The following TNXB variants were observed in gnomAD, a reference collection of about 807,000 sequenced individuals.
TNXB encodes tenascin XB.
TNXB carries 183 observed loss-of-function variants against 340.5 expected under a neutral mutation model. The observed-to-expected ratio is 0.54, with a 90% CI of 0.48 to 0.61. The LOEUF is 0.61. TNXB is among the 20% of genes least tolerant of loss of function. The pLI, the probability that TNXB is intolerant of heterozygous loss-of-function variation, is 0.00. For synonymous variants in TNXB, 2,121 were observed against 2,314.5 expected, an observed-to-expected ratio of 0.92 and a Z score of 2.40; for missense variants, 4,613 against 5,446.4, an observed-to-expected ratio of 0.85 and a Z score of 4.82.
chr6:32,099,898 G>A (rs934903621), intron 1 of TNXB, among the ~76,000 whole-genome samples: 3 of 145,804 alleles, frequency 2.1e-5, no homozygotes, highest in Non-Finnish European at 3.0e-5. Context: ...AGAGGAGAAA[G>A]GATGGTCTTT....
Position 32,107,266 on chromosome 6 carries a change from G to C in TNXB, c.-9+1915C>G, listed in dbSNP as rs911508632. Among the ~76,000 whole-genome samples the C allele has an allele frequency of 7.9e-5, 12 of 152,318 alleles. No individual in the cohort carries two copies. In the South Asian group the frequency reaches 1.0e-3, roughly 13 times the overall value. The stretch of plus-strand genomic sequence containing the variant: ...CCTCATCTTTCCCTGCACAGTGGGG[G>C]AAAGCAGAGAGGGTCTTTGCACCAG... On this transcript the variant is annotated intron_variant, in intron 1 of 43. Transcript: ENST00000644971.
chr6:32,070,542 A>C lies in TNXB; in HGVS notation c.4991-128T>G. On this transcript the variant is annotated intron_variant, in intron 13 of 43. Coordinates refer to ENST00000644971, the MANE Select transcript of TNXB (RefSeq NM_001365276.2). The surrounding 1 kb of genome is among the most constrained non-coding windows in gnomAD (Gnocchi z 6.0). ...CCCCAAAATATTTCCATCACCTCCC[A>C]TCCTCACCACCATCTCCGTCTGGTC... The C allele has an allele frequency of 9.7e-7, 1 of 1,028,598 alleles. No homozygotes were observed. Among genetic ancestry groups the C allele is most frequent in the Non-Finnish European group, 1.4e-6 (1 of 726,892 alleles). The allele number at this position is 1,028,598 out of a possible 1,614,324, so 63.7% of individuals were successfully genotyped here. A position where few individuals can be genotyped will look rare whatever the true frequency, so the allele number is the denominator to read the frequency against.
intron 4 of TNXB, among the ~76,000 whole-genome samples, chr6:32,092,907 G>C (rs1441630823): frequency 6.6e-6 from 1 of 152,184 alleles, no homozygotes; most frequent in African/African-American, 2.4e-5. Flanking sequence ...CCCATACCGA[G>C]AGCAGAATGG....
rs1779032057 is a variant in TNXB at position 32,075,482 on chromosome 6, T to C, written c.4376-1530A>G. Reference sequence around the variant, plus strand: ...CTCTTTCCCCAAAGGCCTAGGTGGCTGTCCTCTCACCTCCTTCAGGGCTTT... The same window carrying C: ...CTCTTTCCCCAAAGGCCTAGGTGGCCGTCCTCTCACCTCCTTCAGGGCTTT... On this transcript the variant is annotated intron_variant, in intron 11 of 43. Transcript: ENST00000644971. The surrounding 1 kb of genome is among the most constrained non-coding windows in gnomAD (Gnocchi z 4.6). 6.6e-6 allele frequency among the ~76,000 whole-genome samples: 1 copy of C among 152,254 alleles called. No homozygotes were observed. Among genetic ancestry groups the C allele is most frequent in the Non-Finnish European group, 1.5e-5 (1 of 68,050 alleles).
rs1289834669 is a variant in TNXB, at chr6:32,082,396, AGG to A, written c.3446-72_3446-71del. On this transcript the variant is annotated intron_variant, in intron 8 of 43. Transcript: ENST00000644971. The surrounding 1 kb of genome is among the most constrained non-coding windows in gnomAD (Gnocchi z 5.0). ...AGAATGGGGAAGCCAAATCCCACAT[AGG>A]AATGCTGTGTGAGGCTGTGCAGGTT... 4.1e-6 allele frequency: 6 copies of A among 1,453,384 alleles called. No individual in the cohort carries two copies. The African/African-American group carries it at 4.2e-5, about 10-fold the overall frequency. 90.0% of individuals were successfully genotyped at this position (1,453,384 alleles called of 1,614,324 possible). A position where few individuals can be genotyped will look rare whatever the true frequency, so the allele number is the denominator to read the frequency against.
At position 32,073,656 on chromosome 6, in the gene TNXB, T is replaced by C. The variant is rs747934395; in HGVS notation, c.4672A>G (p.Ile1558Val). The change falls in exon 12 of 44, where the codon ATC becomes GTC. Residue 1558 changes from isoleucine (I) to valine (V), a missense_variant. Around this residue, in one of 7 missense-constraint regions of TNXB, gnomAD observed 4,327 missense variants for 4,859.4 expected, o/e 0.89. Coordinates refer to ENST00000644971, the MANE Select transcript of TNXB (RefSeq NM_001365276.2). The surrounding 1 kb of genome is among the most constrained non-coding windows in gnomAD (Gnocchi z 4.6). ...TCCCCCCATTACTCACCCGTCACGA[T>C]GACCACAGACAGGGGGCCCATGCGT... ...GQRMGPLSVV[I>V]VTAPLPPAPA... is the part of the protein sequence containing the mutation. The C allele has an allele frequency of 1.2e-6, 2 of 1,606,598 alleles. No homozygotes were observed. Among genetic ancestry groups the C allele is most frequent in the Non-Finnish European group, 1.7e-6 (2 of 1,176,652 alleles).
intron 1 of TNXB, among the ~76,000 whole-genome samples, chr6:32,099,399 A>C (rs970028944): frequency 6.6e-6 from 1 of 151,968 alleles, no homozygotes; most frequent in South Asian, 2.1e-4. Flanking sequence ...TGCCCAGCTA[A>C]TTTTTGTATT....
In TNXB at chr6:32,072,298, G is replaced by C. The variant is rs1365818147; in HGVS notation, c.4682C>G (p.Ala1561Gly). Residue 1561 changes from alanine to glycine, a missense_variant and splice_region_variant, in exon 13 of 44, where the codon GCT becomes GGT. Physicochemically the swap from Ala to Gly is moderately conservative, Grantham distance 60. This residue lies in a region of TNXB where 4,327 missense variants were observed against 4,859.4 expected (regional missense o/e 0.89). Coordinates refer to ENST00000644971, the MANE Select transcript of TNXB (RefSeq NM_001365276.2). The surrounding 1 kb of genome is among the most constrained non-coding windows in gnomAD (Gnocchi z 4.4). ...MGPLSVVIVT[A>G]PLPPAPATEA... is the part of the protein sequence containing the mutation. ...TGTGGCTGGGGCTGGTGGGAGGGGA[G>C]CTGGGATTTGGGAAGACAAAGAACA... is the stretch of plus-strand genomic sequence containing the variant. 2 of 1,593,088 alleles carry C rather than the reference G, an allele frequency of 1.3e-6. No homozygotes were observed. Among genetic ancestry groups the C allele is most frequent in the Non-Finnish European group, 8.6e-7 (1 of 1,167,908 alleles).
Position 32,043,808 on chromosome 6 carries a change from G to A in TNXB, c.11471C>T (p.Thr3824Ile), listed in dbSNP as rs1433447554. Reference protein sequence around the residue: ...GLIPGARYEVTVVSVRGFEES... With the variant: ...GLIPGARYEVIVVSVRGFEES... Reference sequence around the variant, plus strand: ...CTCAAAGCCTCGGACCGAGACCACGGTCACCTCATAGCGAGCGCCTGGGAT... The same window carrying A: ...CTCAAAGCCTCGGACCGAGACCACGATCACCTCATAGCGAGCGCCTGGGAT... Residue 3824 changes from threonine to isoleucine, a missense_variant, in exon 35 of 44, where the codon ACC becomes ATC. Physicochemically the swap from Thr to Ile is moderately conservative, Grantham distance 89. Coordinates refer to ENST00000644971, the MANE Select transcript of TNXB (RefSeq NM_001365276.2). 1 of 1,613,528 alleles carries A rather than the reference G, an allele frequency of 6.2e-7. No homozygotes were observed. The highest frequency in any genetic ancestry group is 2.2e-5 in the East Asian group (1 of 44,874).
At position 32,064,600 on chromosome 6, in the gene TNXB, C is replaced by T. The variant is rs1411047247; in HGVS notation, c.6841+221G>A. Among the ~76,000 whole-genome samples, 5 of 152,112 alleles carry T rather than the reference C, an allele frequency of 3.3e-5. No individual in the cohort carries two copies. Among genetic ancestry groups the T allele is most frequent in the Non-Finnish European group, 7.3e-5 (5 of 68,028 alleles). ...GGTGTGCCTCAGTCTGTGTTATTTT[C>T]CTGGTCCCCCACCTCTTTGGGAACC... On this transcript the variant is annotated intron_variant, in intron 19 of 43. Coordinates refer to ENST00000644971, the MANE Select transcript of TNXB (RefSeq NM_001365276.2). The surrounding 1 kb of genome is among the most constrained non-coding windows in gnomAD (Gnocchi z 5.3).
chr6:32,068,484 G>A lies in TNXB; in HGVS notation c.6126C>T (p.Ile2042=). 1 of 1,613,904 alleles carries A rather than the reference G, an allele frequency of 6.2e-7. No individual in the cohort carries two copies. Among genetic ancestry groups the A allele is most frequent in the Non-Finnish European group, 8.5e-7 (1 of 1,179,890 alleles). ...ATTTATGGTCTGGCTCCAGGCCCGA[G>A]ATGGTGACCCCTTCCTCGTGCCCTG... ...RVPGHEEGVT[I]SGLEPDHKYK... is the part of the protein sequence containing the mutation. The change falls in exon 17 of 44, where the codon ATC becomes ATT. Residue 2042 remains isoleucine (I), a synonymous_variant. Transcript: ENST00000644971. This position sits in a 1 kb window ranked among gnomAD's most constrained non-coding sequence, Gnocchi z 5.3.
chr6:32,061,484 G>A lies in TNXB; in HGVS notation c.7405C>T (p.Leu2469=), dbSNP rs1467676022. Residue 2469 remains leucine, a synonymous_variant, in exon 21 of 44, where the codon CTG becomes TTG. Coordinates refer to ENST00000644971, the MANE Select transcript of TNXB (RefSeq NM_001365276.2). The surrounding 1 kb of genome is among the most constrained non-coding windows in gnomAD (Gnocchi z 4.4). ...GEESEVTVGG[L]EPGRKYKMHL... ...ATCTTGTATTTGCGCCCAGGCTCCA[G>A]GCCCCCCACGGTGACCTCGCTCTCC... is the stretch of plus-strand genomic sequence containing the variant. The A allele has an allele frequency of 1.2e-6, 2 of 1,613,496 alleles. No individual in the cohort carries two copies. Among genetic ancestry groups the A allele is most frequent in the Non-Finnish European group, 1.7e-6 (2 of 1,179,868 alleles).
chr6:32,055,763 C>T (rs773902179), intron 24 of TNXB, 88 bp downstream of exon 24: 4 of 1,518,720 alleles, frequency 2.6e-6, no homozygotes, highest in Non-Finnish European at 3.5e-6. Flanking sequence ...GCAAAAGAAG[C>T]CCGGCTGGTG....
chr6:32,071,540 C>T (rs1052297466), intron 13 of TNXB, among the ~76,000 whole-genome samples: 2 of 151,874 alleles, frequency 1.3e-5, no homozygotes, highest in Admixed American at 1.3e-4. Flanking sequence ...GAACTGGCCC[C>T]ACTCTCCTGG....
Position 32,053,643 on chromosome 6 carries a change from G to A in TNXB, c.8536C>T (p.Arg2846Cys), listed in dbSNP as rs2857010. The A allele has an allele frequency of 7.1e-5, 114 of 1,613,426 alleles. No homozygotes were observed. Among genetic ancestry groups the A allele is most frequent in the South Asian group, 5.5e-4 (50 of 91,082 alleles). The stretch of plus-strand genomic sequence containing the variant: ...TCTGTCACGGTCAGCTCCCCGAGGC[G>A]AGGCTTGTTGGGGGGCTCAGGGGTT... ...TTTPEPPNKP[R>C]LGELTVTDAT... is the part of the protein sequence containing the mutation. The change falls in exon 25 of 44, where the codon CGC becomes TGC. Residue 2846 changes from arginine to cysteine, a missense_variant. Arg to Cys is a radical substitution (Grantham distance 180). Around this residue, in one of 7 missense-constraint regions of TNXB, gnomAD observed 4,327 missense variants for 4,859.4 expected, o/e 0.89. Transcript: ENST00000644971.
intron 3 of TNXB, 125 bp from the exon 4 acceptor site, chr6:32,095,316 A>G: frequency 1.3e-6 from 1 of 770,174 alleles, no homozygotes; most frequent in East Asian, 2.7e-5. Flanking sequence ...GCTAGTGGAG[A>G]ATAGCTGACA....
In TNXB at chr6:32,043,805, A is replaced by G; in HGVS notation, c.11474T>C (p.Val3825Ala). 6.2e-7 allele frequency: 1 copy of G among 1,613,526 alleles called. No homozygotes were observed. The highest frequency in any genetic ancestry group is 8.5e-7 in the Non-Finnish European group (1 of 1,180,006). Residue 3825 changes from valine (V) to alanine (A), a missense_variant, in exon 35 of 44, where the codon GTG becomes GCG. Physicochemically the swap from Val to Ala is moderately conservative, Grantham distance 64. Around this residue, in one of 7 missense-constraint regions of TNXB, gnomAD observed 114 missense variants for 104.5 expected, o/e 1.09. Transcript: ENST00000644971. ...CTCCTCAAAGCCTCGGACCGAGACC[A>G]CGGTCACCTCATAGCGAGCGCCTGG... Reference protein sequence around the residue: ...LIPGARYEVTVVSVRGFEESE... With the variant: ...LIPGARYEVTAVSVRGFEESE...
Position 32,049,830 on chromosome 6 carries a change from G to C in TNXB, c.9439+168C>G, listed in dbSNP as rs146280229. On this transcript the variant is annotated intron_variant, in intron 27 of 43. Coordinates refer to ENST00000644971, the MANE Select transcript of TNXB (RefSeq NM_001365276.2). This position sits in a 1 kb window ranked among gnomAD's most constrained non-coding sequence, Gnocchi z 4.5. ...CTGATGGCCCCTCCCTGCTCAGGGG[G>C]AGCCAGGGGTCAACCACATAGGAAG... Among the ~76,000 whole-genome samples, 1,807 of 152,238 alleles carry C rather than the reference G, an allele frequency of 0.012. 10 individuals are homozygous for C. Among genetic ancestry groups the C allele is most frequent in the Middle Eastern group, 0.024 (7 of 294 alleles).
At chr6:32,103,739 T>C (rs1489955731) in intron 1 of TNXB, among the ~76,000 whole-genome samples, 2 of 148,490 alleles carry the variant, frequency 1.3e-5, no homozygotes, top group Non-Finnish European at 3.0e-5. Context: ...TTTTTTTTTT[T>C]TTTTTTTTTG....
Sources: allele counts gnomAD v4.1 joint callset (sites outside exome capture counted in the v4.1 genomes callset), GRCh38; gene constraint gnomAD v4.1.1; regional missense constraint gnomAD v4.1.1; non-coding constraint Gnocchi (gnomAD v3.1); transcripts MANE v1.5; gene names NCBI Gene and HGNC (gene_info 2026-07-23, HGNC 2026-07-21).